The following PRELID2 variants were observed in gnomAD, a reference collection of about 807,000 sequenced individuals.
PRELID2 encodes PRELI domain-containing protein 2.
In PRELID2, 25 loss-of-function variants were observed where a neutral mutation model predicts 28.4. That is an observed-to-expected ratio of 0.88 (90% CI 0.64 to 1.23). The LOEUF is 1.23. Among genes scored for constraint, PRELID2 ranks in the 50% most tolerant of loss-of-function variants. The pLI is 0.00. For synonymous variants in PRELID2, 76 were observed against 71.6 expected, an observed-to-expected ratio of 1.06 and a Z score of -0.31; for missense variants, 201 against 214.4, an observed-to-expected ratio of 0.94 and a Z score of 0.39.
intron 1 of PRELID2, among the ~76,000 whole-genome samples, chr5:145,633,570 C>T (rs1561526266): frequency 6.6e-6 from 1 of 152,326 alleles, no homozygotes; most frequent in East Asian, 1.9e-4. Context: ...TACAGGACTG[C>T]TCCATTTGAT....
At chr5:145,422,927 C>T in the PRELID2 span, among the ~76,000 whole-genome samples, 1 of 150,776 alleles carries the variant, frequency 6.6e-6, no homozygotes, top group Admixed American at 6.6e-5. Flanking sequence ...GTAAGGCAGG[C>T]CTGGTGGTGA....
At chr5:145,551,679 G>C (rs945568610) in intron 1 of PRELID2, among the ~76,000 whole-genome samples, 3 of 152,152 alleles carry the variant, frequency 2.0e-5, no homozygotes, top group Admixed American at 6.5e-5. Flanking sequence ...GTATCAGTAA[G>C]GGTCTTGGCA....
At chr5:145,629,981 C>T (rs1753909705) in intron 1 of PRELID2, among the ~76,000 whole-genome samples, 1 of 152,098 alleles carries the variant, frequency 6.6e-6, no homozygotes, top group Non-Finnish European at 1.5e-5. Context: ...GAAAACAAGG[C>T]ATTTAAGCTT....
chr5:145,246,506 T>G, the PRELID2 span, among the ~76,000 whole-genome samples: 8 of 152,104 alleles, frequency 5.3e-5, no homozygotes, highest in African/African-American at 1.9e-4. Context: ...TAGTTTAGAT[T>G]GAGAAAGCCT....
intron 1 of PRELID2, among the ~76,000 whole-genome samples, chr5:145,720,851 A>T (rs1055108004): frequency 2.6e-5 from 4 of 152,038 alleles, no homozygotes; most frequent in Non-Finnish European, 4.4e-5. Context: ...ATTGTTGTAT[A>T]GAAGCAGTTC....
At chr5:145,528,026 G>A (rs774949587) in intron 1 of PRELID2, among the ~76,000 whole-genome samples, 1 of 151,524 alleles carries the variant, frequency 6.6e-6, no homozygotes, top group Admixed American at 6.6e-5. Flanking sequence ...ATCTCCCAGC[G>A]ACCACCTATC....
intron 5 of PRELID2, among the ~76,000 whole-genome samples, chr5:145,781,672 A>G (rs1454961828): frequency 6.9e-6 from 1 of 145,696 alleles, no homozygotes; most frequent in Non-Finnish European, 1.5e-5. Flanking sequence ...CTATATATAT[A>G]CACTTATATA....
At chr5:145,305,365 T>C in the PRELID2 span, among the ~76,000 whole-genome samples, 3 of 152,296 alleles carry the variant, frequency 2.0e-5, no homozygotes, top group Middle Eastern at 3.4e-3. Context: ...GATTCTGCTA[T>C]AGAGAGAAAG....
chr5:145,585,173 A>T (rs1004292002), intron 1 of PRELID2, among the ~76,000 whole-genome samples: 1 of 152,142 alleles, frequency 6.6e-6, no homozygotes, highest in African/African-American at 2.4e-5. Flanking sequence ...TCCTCAGCAA[A>T]CTAACACAGG....
At chr5:145,375,279 A>T in the PRELID2 span, among the ~76,000 whole-genome samples, 1 of 151,966 alleles carries the variant, frequency 6.6e-6, no homozygotes, top group Admixed American at 6.6e-5. Context: ...GGACCTCTTC[A>T]TCTGGTTTGT....
chr5:145,529,263 C>A (rs763138467), intron 1 of PRELID2, among the ~76,000 whole-genome samples: 8 of 152,156 alleles, frequency 5.3e-5, no homozygotes, highest in Admixed American at 1.3e-4. Context: ...CAAAGGCAAT[C>A]ATACTGAATT....
intron 1 of PRELID2, among the ~76,000 whole-genome samples, chr5:145,581,042 C>T (rs1753103314): frequency 6.6e-6 from 1 of 151,890 alleles, no homozygotes; most frequent in South Asian, 2.1e-4. Context: ...CCTTTTATTC[C>T]CTTCCTACCA....
At chr5:145,446,470 A>G in the PRELID2 span, among the ~76,000 whole-genome samples, 1 of 152,214 alleles carries the variant, frequency 6.6e-6, no homozygotes, top group Middle Eastern at 3.4e-3. Flanking sequence ...AGGAGCCAGG[A>G]AAACAGTATG....
chr5:145,282,427 A>G, the PRELID2 span, among the ~76,000 whole-genome samples: 2 of 152,316 alleles, frequency 1.3e-5, no homozygotes, highest in East Asian at 3.9e-4. Flanking sequence ...AAGACATTAA[A>G]TGGAATCTTT....
chr5:145,302,280 G>A, the PRELID2 span, among the ~76,000 whole-genome samples: 2 of 151,900 alleles, frequency 1.3e-5, no homozygotes, highest in South Asian at 4.2e-4. Context: ...TCTTGCCTCA[G>A]CTGGGCACCA....
chr5:145,470,285 C>T (rs1392065118), downstream of PRELID2, among the ~76,000 whole-genome samples: 1 of 152,096 alleles, frequency 6.6e-6, no homozygotes, highest in African/African-American at 2.4e-5. Flanking sequence ...ATAAGACTTT[C>T]TCTACAAAAA....
At chr5:145,592,473 T>C (rs1008976346) in intron 1 of PRELID2, among the ~76,000 whole-genome samples, 2 of 149,432 alleles carry the variant, frequency 1.3e-5, no homozygotes, top group Admixed American at 6.7e-5. Flanking sequence ...CACACATACA[T>C]ACACACACAC....
chr5:145,566,927 CT>C (rs1561507611), intron 1 of PRELID2, among the ~76,000 whole-genome samples: 1 of 150,320 alleles, frequency 6.7e-6, no homozygotes, highest in Non-Finnish European at 1.5e-5. Context: ...GAACAGTTTT[CT>C]TTTTCTATTT....
intron 1 of PRELID2, among the ~76,000 whole-genome samples, chr5:145,592,972 G>T (rs540385634): frequency 2.0e-4 from 31 of 152,210 alleles, no homozygotes; most frequent in African/African-American, 7.5e-4. Context: ...CATGTTGTTG[G>T]CAATAATGTT....
Sources: allele counts gnomAD v4.1 joint callset (sites outside exome capture counted in the v4.1 genomes callset), GRCh38; gene constraint gnomAD v4.1.1; transcripts MANE v1.5; gene names NCBI Gene and HGNC (gene_info 2026-07-23, HGNC 2026-07-21).